GAPVD1: variants seen among roughly 807,000 people sequenced by gnomAD.
GAPVD1 encodes the protein GTPase-activating protein and VPS9 domain-containing protein 1.
A neutral mutation model predicts 155.5 loss-of-function variants in GAPVD1; 35 were observed. The observed-to-expected ratio is 0.23, with a 90% CI of 0.17 to 0.30. The LOEUF (loss-of-function observed/expected upper bound fraction) is 0.30, where lower values mean the gene tolerates loss of function less well. GAPVD1 is among the 10% of genes least tolerant of loss of function. The pLI is 1.00. For synonymous variants in GAPVD1, 636 were observed against 619.7 expected, an observed-to-expected ratio of 1.03 and a Z score of -0.39; for missense variants, 1,429 against 1,775.7, an observed-to-expected ratio of 0.80 and a Z score of 3.51.
At chr9:125,284,388 C>G (rs1184287149) in intron 2 of GAPVD1, among the ~76,000 whole-genome samples, 1 of 151,272 alleles carries the variant, frequency 6.6e-6, no homozygotes, top group African/African-American at 2.4e-5. Flanking sequence ...CCATGCTGGC[C>G]AGGGTGGTCT....
intron 7 of GAPVD1, 33 bp from the exon 8 acceptor site, chr9:125,307,658 A>C (rs747729555): frequency 1.3e-6 from 2 of 1,592,250 alleles, no homozygotes; most frequent in Non-Finnish European, 1.7e-6. Flanking sequence ...TGAAAAAGTG[A>C]TTTCATTAGC....
At chr9:125,347,764 T>C (rs1029296847) in intron 20 of GAPVD1, among the ~76,000 whole-genome samples, 1 of 151,696 alleles carries the variant, frequency 6.6e-6, no homozygotes, top group Non-Finnish European at 1.5e-5. Context: ...CATAAATATG[T>C]GTTTATGCTT....
intron 15 of GAPVD1, 59 bp from the exon 16 acceptor site, chr9:125,336,959 G>C: frequency 1.1e-6 from 1 of 945,136 alleles, no homozygotes; most frequent in Non-Finnish European, 1.7e-6. Flanking sequence ...CCTTTAAACT[G>C]TGTTGAGACC....
At chr9:125,326,315 C>T (rs1370698549) in intron 11 of GAPVD1, 101 bp from the exon 12 acceptor site, 3 of 792,650 alleles carry the variant, frequency 3.8e-6, no homozygotes, top group South Asian at 3.8e-5. Context: ...ATTGGGAGTT[C>T]GAGACCAGCC....
intron 25 of GAPVD1, among the ~76,000 whole-genome samples, chr9:125,357,033 C>G (rs1850181700): frequency 6.6e-6 from 1 of 152,118 alleles, no homozygotes; most frequent in Non-Finnish European, 1.5e-5. Context: ...TCTCAAACTG[C>G]TAGACACAAG....
chr9:125,325,405 C>T (rs1294696669), intron 11 of GAPVD1, among the ~76,000 whole-genome samples: 1 of 150,562 alleles, frequency 6.6e-6, no homozygotes, highest in East Asian at 2.0e-4. Context: ...GCTTGTAGTC[C>T]CAGCTACTCG....
chr9:125,301,261 G>A (rs1840810000), intron 4 of GAPVD1, among the ~76,000 whole-genome samples: 1 of 151,974 alleles, frequency 6.6e-6, no homozygotes, highest in African/African-American at 2.4e-5. Context: ...GTAGAGATGG[G>A]GTTTCACCAT....
intron 21 of GAPVD1, 25 bp from the exon 22 acceptor site, chr9:125,350,270 A>G: frequency 7.7e-7 from 1 of 1,293,522 alleles, no homozygotes; most frequent in Non-Finnish European, 1.1e-6. Context: ...TAAAGAAATT[A>G]ATGTATTTTC....
intron 5 of GAPVD1, among the ~76,000 whole-genome samples, chr9:125,303,533 T>C (rs923242321): frequency 3.3e-5 from 5 of 151,744 alleles, no homozygotes; most frequent in Non-Finnish European, 5.9e-5. Context: ...TCCCAGCACT[T>C]TGGGAGGCCG....
Position 125,332,030 on chromosome 9 carries a change from C to T in GAPVD1, c.2278C>T (p.Pro760Ser), listed in dbSNP as rs1221681281. Reference sequence around the variant, plus strand: ...GGATGTCAGGGAGGTCAGTTCCCGCCCCAGCACACCAGGCCTCAGTGTTGT... The same window carrying T: ...GGATGTCAGGGAGGTCAGTTCCCGCTCCAGCACACCAGGCCTCAGTGTTGT... ...DTDVREVSSRPSTPGLSVVSG... is the reference protein window; with the variant it reads ...DTDVREVSSRSSTPGLSVVSG... Residue 760 changes from proline (P) to serine (S), a missense_variant, in exon 14 of 28, where the codon CCC becomes TCC. Coordinates refer to ENST00000297933, the MANE Select transcript of GAPVD1 (RefSeq NM_001282680.3). The T allele has an allele frequency of 6.2e-7, 1 of 1,614,038 alleles. No individual in the cohort carries two copies. Among genetic ancestry groups the T allele is most frequent in the Non-Finnish European group, 8.5e-7 (1 of 1,179,962 alleles).
rs764636294 is a variant in GAPVD1 at position 125,366,379 on chromosome 9, A to G, written c.*3633A>G. 3.9e-5 allele frequency: 6 copies of G among 152,282 alleles called. No homozygotes were observed. Among genetic ancestry groups the G allele is most frequent in the South Asian group, 2.1e-4 (1 of 4,824 alleles). 9.4% of individuals were successfully genotyped at this position (152,282 alleles called of 1,614,324 possible). ...GGTGTTTTAAAATTGTTTTTCTCCT[A>G]TGTGATTGGGTGTGAAGAGGGAAAG... On this transcript the variant is annotated 3_prime_UTR_variant, in exon 28 of 28. Transcript: ENST00000297933.
rs1367241883 is a variant in GAPVD1 at position 125,365,749 on chromosome 9, A to T, written c.*3003A>T. On this transcript the variant is annotated 3_prime_UTR_variant, in exon 28 of 28. Coordinates refer to ENST00000297933, the MANE Select transcript of GAPVD1 (RefSeq NM_001282680.3). ...CATCTCCCAGTCTCTAGTGATTCTC[A>T]TGGCTCAGCCTCCCTGGTTGCTCAG... 2 of 152,024 alleles carry T rather than the reference A, an allele frequency of 1.3e-5. No individual in the cohort carries two copies. Among genetic ancestry groups the T allele is most frequent in the Non-Finnish European group, 1.5e-5 (1 of 68,022 alleles). The allele number at this position is 152,024 out of a possible 1,614,324, so 9.4% of individuals were successfully genotyped here. A position where few individuals can be genotyped will look rare whatever the true frequency, so the allele number is the denominator to read the frequency against.
intron 9 of GAPVD1, among the ~76,000 whole-genome samples, chr9:125,319,492 C>A (rs1328163248): frequency 6.6e-6 from 1 of 151,524 alleles, no homozygotes; most frequent in Non-Finnish European, 1.5e-5. Flanking sequence ...GCAACCTCCA[C>A]TTCCCAGGTT....
intron 11 of GAPVD1, among the ~76,000 whole-genome samples, chr9:125,324,129 C>T (rs1255119220): frequency 2.6e-5 from 4 of 152,070 alleles, no homozygotes; most frequent in African/African-American, 9.7e-5. Flanking sequence ...ATATAAATTA[C>T]TTGAAATTCA....
chr9:125,307,466 C>T lies in GAPVD1; in HGVS notation c.1170C>T (p.Thr390=). The change falls in exon 7 of 28, where the codon ACC becomes ACT. Residue 390 remains threonine (T), a synonymous_variant. Transcript: ENST00000297933. ...DVVIGGRAVE[T]PPLSSVNLLE... is the part of the protein sequence containing the mutation. Reference sequence around the variant, plus strand: ...TGATTGGGGGCCGTGCAGTGGAGACCCCTCCATTGTCTTCCGTCAATCTTC... The same window carrying T: ...TGATTGGGGGCCGTGCAGTGGAGACTCCTCCATTGTCTTCCGTCAATCTTC... The T allele has an allele frequency of 3.1e-6, 5 of 1,608,732 alleles. No individual in the cohort carries two copies. Among genetic ancestry groups the T allele is most frequent in the Non-Finnish European group, 4.3e-6 (5 of 1,175,268 alleles).
rs951306489 is a variant in GAPVD1 at position 125,269,710 on chromosome 9, C to CTTT, written c.-150+748_-150+750dup. Among the ~76,000 whole-genome samples, 172 of 52,676 alleles carry CTTT rather than the reference C, an allele frequency of 3.3e-3. 1 individual carries two copies. The highest frequency in any genetic ancestry group is 5.4e-3 in the African/African-American group (58 of 10,678). 34.6% of individuals were successfully genotyped at this position (52,676 alleles called of 152,430 possible). A position where few individuals can be genotyped will look rare whatever the true frequency, so the allele number is the denominator to read the frequency against. ...TACAGGCATGAGCTACCATGCCTGGCTTTTTTTTTTTTTTTTTTTTTTTTG... is the reference window on the plus strand; with the variant it reads ...TACAGGCATGAGCTACCATGCCTGGCTTTTTTTTTTTTTTTTTTTTTTTTTTTG... On this transcript the variant is annotated intron_variant, in intron 2 of 27. Transcript: ENST00000297933.
intron 2 of GAPVD1, among the ~76,000 whole-genome samples, chr9:125,293,880 A>AAATATATT (rs1564312137): frequency 2.9e-4 from 6 of 20,406 alleles, no homozygotes; most frequent in African/African-American, 1.0e-3. Context: ...ATATATATAT[A>AAATATATT]TATATATATA....
At chr9:125,263,741 C>T (rs565368531) in intron 1 of GAPVD1, 6 of 846,632 alleles carry the variant, frequency 7.1e-6, no homozygotes, top group Non-Finnish European at 1.2e-5. Context: ...TGTCTGTCAG[C>T]TTCCCCTCTT....
In GAPVD1 at chr9:125,279,526, G is replaced by A. The variant is rs199973866; in HGVS notation, c.-150+10542G>A. Among the ~76,000 whole-genome samples the A allele has an allele frequency of 3.4e-5, 5 of 147,978 alleles. No individual in the cohort carries two copies. In the East Asian group the frequency reaches 1.0e-3, roughly 30 times the overall value. On this transcript the variant is annotated intron_variant, in intron 2 of 27. Coordinates refer to ENST00000297933, the MANE Select transcript of GAPVD1 (RefSeq NM_001282680.3). ...GCGGAGGTTGCAGTGAGCCGAGATC[G>A]TGCCATTGTACTCCAGCCTAGGCGA...
Sources: gnomAD v4.1 joint callset for allele counts (sites outside exome capture counted in the v4.1 genomes callset) on GRCh38, gnomAD v4.1.1 for gene constraint, MANE v1.5 for transcripts, NCBI Gene and HGNC (gene_info 2026-07-23, HGNC 2026-07-21) for gene names.